The following COG6 variants were observed in gnomAD, a reference collection of about 807,000 sequenced individuals.
COG6 encodes the protein component of oligomeric golgi complex 6.
A neutral mutation model predicts 88.8 loss-of-function variants in COG6; 74 were observed. That is an observed-to-expected ratio of 0.83 (90% CI 0.69 to 1.01). The LOEUF (loss-of-function observed/expected upper bound fraction) is 1.01. COG6 is among the 50% of genes least tolerant of loss of function. The pLI, the probability that COG6 is intolerant of heterozygous loss-of-function variation, is 0.00. For synonymous variants in COG6, 286 were observed against 278.7 expected, an observed-to-expected ratio of 1.03 and a Z score of -0.26; for missense variants, 800 against 797.9, an observed-to-expected ratio of 1.00 and a Z score of -0.03.
intron 18 of COG6, among the ~76,000 whole-genome samples, chr13:39,762,445 G>A (rs141437294): frequency 5.1e-4 from 77 of 151,920 alleles, no homozygotes; most frequent in African/African-American, 1.9e-3. Context: ...AAGTTCTAGT[G>A]TTCTATAGCA....
rs758730311 is a variant in COG6, at chr13:39,682,236, G to C, written c.760G>C (p.Ala254Pro). The change falls in exon 8 of 19, where the codon GCC becomes CCC. Residue 254 changes from alanine to proline, a missense_variant. Ala to Pro is a conservative substitution (Grantham distance 27, BLOSUM62 -1). Coordinates refer to ENST00000455146, the MANE Select transcript of COG6 (RefSeq NM_020751.3). ...TCCAGTATTGACACAGGCAATGGAAGCCCTGCAGGACAGACCTGTCTTATA... is the reference window on the plus strand; with the variant it reads ...TCCAGTATTGACACAGGCAATGGAACCCCTGCAGGACAGACCTGTCTTATA... ...VSPVLTQAME[A>P]LQDRPVLYKY... The C allele has an allele frequency of 8.6e-5, 138 of 1,611,626 alleles. No homozygotes were observed. Among genetic ancestry groups the C allele is most frequent in the Non-Finnish European group, 1.1e-4 (127 of 1,177,944 alleles).
chr13:39,726,242 A>C (rs1248311933), intron 17 of COG6, among the ~76,000 whole-genome samples: 5 of 151,932 alleles, frequency 3.3e-5, no homozygotes, highest in Admixed American at 3.3e-4. Flanking sequence ...TTAACTCAGA[A>C]AATTGTAAGA....
At chr13:39,698,469 A>G (rs1415842175) in intron 12 of COG6, among the ~76,000 whole-genome samples, 1 of 151,950 alleles carries the variant, frequency 6.6e-6, no homozygotes, top group Non-Finnish European at 1.5e-5. Flanking sequence ...CTATATATAT[A>G]TGCACTTTAC....
At chr13:39,706,250 C>CA (rs1491347574) in intron 13 of COG6, among the ~76,000 whole-genome samples, 8 of 30,134 alleles carry the variant, frequency 2.7e-4, no homozygotes, top group Admixed American at 6.7e-4. Flanking sequence ...TATATATATA[C>CA]TCCTTTATAT....
intron 18 of COG6, among the ~76,000 whole-genome samples, chr13:39,735,260 T>A (rs1879674360): frequency 6.6e-6 from 1 of 152,144 alleles, no homozygotes; most frequent in Non-Finnish European, 1.5e-5. Context: ...TTTTTGTATA[T>A]CTGTTGTATG....
chr13:39,689,751 T>C lies in COG6; in HGVS notation c.1010-9T>C, dbSNP rs1203983198. 3.1e-6 allele frequency: 5 copies of C among 1,593,280 alleles called. No individual in the cohort carries two copies. Reference sequence around the variant, plus strand: ...AAACAAATATTAATTATGTAGTCATTAATTTTAGGTGTTGAAGAAAATATT... The same window carrying C: ...AAACAAATATTAATTATGTAGTCATCAATTTTAGGTGTTGAAGAAAATATT... On this transcript the variant is annotated splice_polypyrimidine_tract_variant and intron_variant, in intron 10 of 18. Coordinates refer to ENST00000455146, the MANE Select transcript of COG6 (RefSeq NM_020751.3).
Position 39,672,225 on chromosome 13 carries a change from A to G in COG6, c.429-5243A>G, listed in dbSNP as rs115415085. Among the ~76,000 whole-genome samples the G allele has an allele frequency of 8.3e-3, 1,258 of 152,146 alleles. 15 individuals are homozygous for G. Among genetic ancestry groups the G allele is most frequent in the African/African-American group, 0.028 (1,180 of 41,576 alleles). ...AGCTGTATTTTGTACAGTTATAATA[A>G]TACATGTAATTGTAATTCAAAAGGT... On this transcript the variant is annotated intron_variant, in intron 4 of 18. Transcript: ENST00000455146.
chr13:39,727,900 G>T (rs1879224375), intron 18 of COG6, among the ~76,000 whole-genome samples: 1 of 152,104 alleles, frequency 6.6e-6, no homozygotes, highest in Non-Finnish European at 1.5e-5. Flanking sequence ...ATTATGCAAT[G>T]CAGATGAACT....
chr13:39,679,317 G>A lies in COG6; in HGVS notation c.541-221G>A, dbSNP rs974232709. ...TTCCTGGCAACTGTCAACACTATTT[G>A]GCACATAGTAGAAACTGAATTAATA... is the stretch of plus-strand genomic sequence containing the variant. On this transcript the variant is annotated intron_variant, in intron 5 of 18. Coordinates refer to ENST00000455146, the MANE Select transcript of COG6 (RefSeq NM_020751.3). 3 of 531,226 alleles carry A rather than the reference G, an allele frequency of 5.6e-6. No homozygotes were observed. In the African/African-American group the frequency reaches 5.7e-5, roughly 10 times the overall value. 32.9% of individuals were successfully genotyped at this position (531,226 alleles called of 1,614,324 possible). A position where few individuals can be genotyped will look rare whatever the true frequency, so the allele number is the denominator to read the frequency against.
At chr13:39,741,720 C>T (rs988768432) in intron 18 of COG6, among the ~76,000 whole-genome samples, 3 of 152,024 alleles carry the variant, frequency 2.0e-5, no homozygotes, top group Admixed American at 1.3e-4. Flanking sequence ...CCTAGCAAGG[C>T]AGGCCAACAT....
In COG6 at chr13:39,688,054, C is replaced by T. The variant is rs142206865; in HGVS notation, c.1009+255C>T. On this transcript the variant is annotated intron_variant, in intron 10 of 18. Transcript: ENST00000455146. ...GACCTTTCATATCAAACCTAGACTC[C>T]TCTGTGTCACTTTTAAGAAATTTCT... 7.8e-3 allele frequency among the ~76,000 whole-genome samples: 1,180 copies of T among 152,252 alleles called. 25 individuals carry two copies. Among genetic ancestry groups the T allele is most frequent in the African/African-American group, 0.027 (1,111 of 41,540 alleles).
intron 15 of COG6, 53 bp downstream of exon 15, chr13:39,719,880 G>A (rs1235360565): frequency 1.8e-5 from 25 of 1,399,864 alleles, no homozygotes; most frequent in Non-Finnish European, 2.2e-5. Flanking sequence ...TTTTCTCTAT[G>A]TGATAGCTTT....
intron 18 of COG6, among the ~76,000 whole-genome samples, chr13:39,745,113 C>A (rs570572883): frequency 6.6e-6 from 1 of 152,112 alleles, no homozygotes. Context: ...AAGACTTAAA[C>A]GTTAGACCTA....
intron 18 of COG6, among the ~76,000 whole-genome samples, chr13:39,737,218 A>T (rs1330284126): frequency 6.6e-6 from 1 of 152,080 alleles, no homozygotes; most frequent in Non-Finnish European, 1.5e-5. Context: ...GGGAGTGGTG[A>T]TACATGCCTC....
At chr13:39,736,605 C>T (rs889851414) in intron 18 of COG6, among the ~76,000 whole-genome samples, 1 of 152,110 alleles carries the variant, frequency 6.6e-6, no homozygotes, top group African/African-American at 2.4e-5. Context: ...GCAGGAGAAT[C>T]GCTTGAACCT....
chr13:39,676,065 G>A (rs921738717), intron 4 of COG6, among the ~76,000 whole-genome samples: 1 of 151,924 alleles, frequency 6.6e-6, no homozygotes, highest in East Asian at 1.9e-4. Flanking sequence ...TCGCTATCTT[G>A]AAATACCACT....
chr13:39,720,883 CT>C (rs1255115720), intron 15 of COG6, among the ~76,000 whole-genome samples: 5 of 151,986 alleles, frequency 3.3e-5, no homozygotes, highest in African/African-American at 9.7e-5. Context: ...CCCAACCCCC[CT>C]GGATAAGAAT....
exon 19 of COG6, chr13:39,791,594 T>TA (rs1881939994): frequency 6.6e-6 from 1 of 152,102 alleles, no homozygotes; most frequent in Admixed American, 6.6e-5. Context: ...ACCTTCTCAT[T>TA]ACAGAACATA....
chr13:39,684,753 T>C lies in COG6; in HGVS notation c.788+2489T>C, dbSNP rs1224583774. On this transcript the variant is annotated intron_variant, in intron 8 of 18. Transcript: ENST00000455146. ...ACCAGATGGCACTATATGAACTTAA[T>C]AAGTAATGTATAAAAGTTTCACTGT... 4.6e-5 allele frequency among the ~76,000 whole-genome samples: 7 copies of C among 152,310 alleles called. No individual in the cohort carries two copies. The East Asian group carries it at 7.7e-4, about 17-fold the overall frequency.
Sources: gnomAD v4.1 joint callset for allele counts (sites outside exome capture counted in the v4.1 genomes callset) on GRCh38, gnomAD v4.1.1 for gene constraint, MANE v1.5 for transcripts, NCBI Gene and HGNC (gene_info 2026-07-23, HGNC 2026-07-21) for gene names.